Variants in NGEF observed in about 807,000 individuals in gnomAD.
NGEF encodes neuronal guanine nucleotide exchange factor.
Under a neutral mutation model 80.9 loss-of-function variants are expected in NGEF, and 31 were observed. The ratio of observed to expected loss-of-function variants is 0.38; its 90% CI spans 0.29 to 0.52. The LOEUF is 0.52. Ranked by LOEUF, NGEF falls within the 20% of genes least tolerant of loss-of-function variation. The pLI, the probability that NGEF is intolerant of heterozygous loss-of-function variation, is 0.84. For synonymous variants in NGEF, 371 were observed against 370.2 expected, an observed-to-expected ratio of 1.00 and a Z score of -0.03; for missense variants, 709 against 926.2, an observed-to-expected ratio of 0.77 and a Z score of 3.04.
At chr2:232,912,358 A>C (rs1281799543) in intron 5 of NGEF, among the ~76,000 whole-genome samples, 1 of 152,162 alleles carries the variant, frequency 6.6e-6, no homozygotes, top group African/African-American at 2.4e-5. Flanking sequence ...TCCCAGGATG[A>C]ACTCCACTCA....
chr2:232,880,556 A>G (rs1386477072), intron 14 of NGEF, among the ~76,000 whole-genome samples: 2 of 152,242 alleles, frequency 1.3e-5, no homozygotes, highest in Non-Finnish European at 2.9e-5. Flanking sequence ...ATGCAGTTGT[A>G]TACTTTGGGG....
At chr2:232,979,751 C>G (rs1694371041) in intron 1 of NGEF, among the ~76,000 whole-genome samples, 1 of 152,176 alleles carries the variant, frequency 6.6e-6, no homozygotes, top group Non-Finnish European at 1.5e-5. Context: ...CATTCTATGT[C>G]TGTCCACATT....
chr2:232,913,549 T>A lies in NGEF; in HGVS notation c.828+6735A>T, dbSNP rs1692732736. Among the ~76,000 whole-genome samples the A allele has an allele frequency of 2.0e-5, 3 of 152,232 alleles. No individual in the cohort carries two copies. The South Asian group carries it at 6.2e-4, about 32-fold the overall frequency. ...ATGTTATGTCTCCCAGTTCTACTGATTACTGACAGAACAGTGTCCTTGACT... is the reference window on the plus strand; with the variant it reads ...ATGTTATGTCTCCCAGTTCTACTGAATACTGACAGAACAGTGTCCTTGACT... On this transcript the variant is annotated intron_variant, in intron 5 of 14. Transcript: ENST00000264051.
chr2:232,927,773 G>C, intron 3 of NGEF: 1 of 540,124 alleles, frequency 1.9e-6, no homozygotes, highest in Non-Finnish European at 2.7e-6. Context: ...GGGGCGGCGG[G>C]GGCCCGCGGA....
At chr2:232,918,544 A>T (rs1692860415) in intron 5 of NGEF, among the ~76,000 whole-genome samples, 1 of 151,824 alleles carries the variant, frequency 6.6e-6, no homozygotes, top group South Asian at 2.1e-4. Flanking sequence ...ATTTATGACA[A>T]GGGCCCTTTC....
intron 3 of NGEF, among the ~76,000 whole-genome samples, chr2:232,942,043 C>T (rs1693447422): frequency 6.6e-6 from 1 of 152,172 alleles, no homozygotes; most frequent in African/African-American, 2.4e-5. Flanking sequence ...TCAGGTGAGT[C>T]ACCAAAGAAA....
At chr2:232,948,844 C>A (rs538380693) in intron 3 of NGEF, among the ~76,000 whole-genome samples, 1 of 152,100 alleles carries the variant, frequency 6.6e-6, no homozygotes, top group East Asian at 1.9e-4. Context: ...ATGGTGAAAC[C>A]CTGTCTCTAC....
At chr2:232,985,731 C>T (rs113749451) in intron 1 of NGEF, among the ~76,000 whole-genome samples, 28 of 151,908 alleles carry the variant, frequency 1.8e-4, no homozygotes, top group African/African-American at 5.6e-4. Flanking sequence ...CCAGCCTAGG[C>T]GACAGAGACA....
chr2:232,982,695 G>A (rs1473219313), intron 1 of NGEF, among the ~76,000 whole-genome samples: 2 of 152,212 alleles, frequency 1.3e-5, no homozygotes, highest in Non-Finnish European at 2.9e-5. Flanking sequence ...TGTATTTTTA[G>A]TAGAGACAGT....
chr2:232,979,842 C>G (rs1350942140), intron 1 of NGEF, among the ~76,000 whole-genome samples: 2 of 152,044 alleles, frequency 1.3e-5, no homozygotes, highest in Non-Finnish European at 2.9e-5. Flanking sequence ...CACAACAACA[C>G]TCTGTAAACA....
chr2:232,911,777 T>C (rs1168574054), intron 5 of NGEF, among the ~76,000 whole-genome samples: 1 of 152,212 alleles, frequency 6.6e-6, no homozygotes, highest in East Asian at 1.9e-4. Flanking sequence ...TTGTAAATGG[T>C]ATAATTTTAA....
Position 232,881,150 on chromosome 2 carries a change from G to A in NGEF, c.1938C>T (p.Asp646=), listed in dbSNP as rs760625592. 52 of 1,611,988 alleles carry A rather than the reference G, an allele frequency of 3.2e-5. No homozygotes were observed. Among genetic ancestry groups the A allele is most frequent in the Non-Finnish European group, 3.9e-5 (46 of 1,179,928 alleles). The change falls in exon 14 of 15, where the codon GAC becomes GAT. Residue 646 remains aspartate, a synonymous_variant. Coordinates refer to ENST00000264051, the MANE Select transcript of NGEF (RefSeq NM_019850.3). The part of the protein sequence containing the change: ...ADILNILDKT[D]DGWIFGERLH... The stretch of plus-strand genomic sequence containing the variant: ...GGGGAGGTCCCTGGGCCTCACCGTC[G>A]TCAGTCTTGTCCAGGATGTTGAGGA...
At chr2:232,882,161 G>A (rs377145571) in intron 13 of NGEF, 25 bp downstream of exon 13, 119 of 1,606,156 alleles carry the variant, frequency 7.4e-5, no homozygotes, top group Non-Finnish European at 8.2e-5. Context: ...GACAAATGGC[G>A]CCCCCTTACC....
At chr2:232,889,672 A>AG (rs1691814244) in intron 8 of NGEF, among the ~76,000 whole-genome samples, 1 of 152,214 alleles carries the variant, frequency 6.6e-6, no homozygotes, top group Admixed American at 6.5e-5. Context: ...CGTTCATCAC[A>AG]GGTGTCTTCC....
intron 5 of NGEF, among the ~76,000 whole-genome samples, chr2:232,919,895 A>G (rs1367024761): frequency 6.6e-6 from 1 of 152,228 alleles, no homozygotes; most frequent in Non-Finnish European, 1.5e-5. Context: ...GCAAAGAGAT[A>G]TGGCAGACCT....
chr2:232,885,880 G>A (rs908663769), intron 9 of NGEF, among the ~76,000 whole-genome samples: 8 of 152,236 alleles, frequency 5.3e-5, no homozygotes, highest in Admixed American at 2.0e-4. Flanking sequence ...GGAAGTGTGC[G>A]CGAGGGCCTC....
chr2:232,913,542 C>T (rs1300440462), intron 5 of NGEF, among the ~76,000 whole-genome samples: 1 of 152,182 alleles, frequency 6.6e-6, no homozygotes, highest in East Asian at 1.9e-4. Flanking sequence ...TCTCCCAGTT[C>T]TACTGATTAC....
intron 3 of NGEF, among the ~76,000 whole-genome samples, chr2:232,928,325 C>T (rs1337679246): frequency 2.7e-5 from 4 of 150,034 alleles, no homozygotes; most frequent in Non-Finnish European, 5.9e-5. Flanking sequence ...GCCGCGGGCT[C>T]GCGCCTTCCT....
intron 8 of NGEF, among the ~76,000 whole-genome samples, chr2:232,889,897 G>T (rs1691820077): frequency 6.6e-6 from 1 of 152,078 alleles, no homozygotes; most frequent in Non-Finnish European, 1.5e-5. Context: ...GCTACCTGTG[G>T]CTCCCAGGTC....
Sources: allele counts gnomAD v4.1 joint callset (sites outside exome capture counted in the v4.1 genomes callset), GRCh38; gene constraint gnomAD v4.1.1; transcripts MANE v1.5; gene names NCBI Gene and HGNC (gene_info 2026-07-23, HGNC 2026-07-21).